Variants in PLEKHH2 observed in about 807,000 individuals in gnomAD.
PLEKHH2 encodes the protein pleckstrin homology domain-containing family H member 2.
Under a neutral mutation model 187.9 loss-of-function variants are expected in PLEKHH2, and 129 were observed. The observed-to-expected ratio is 0.69, with a 90% CI of 0.59 to 0.79. The LOEUF (loss-of-function observed/expected upper bound fraction) is 0.79. Among genes scored for constraint, PLEKHH2 ranks in the 30% least tolerant of loss-of-function variants. The probability of loss-of-function intolerance (pLI) is 0.00; values close to 1 mark genes in which losing one functional copy is unlikely to be tolerated. For synonymous variants in PLEKHH2, 686 were observed against 605.6 expected (o/e 1.13, Z -1.95); for missense variants, 2,076 against 1,751.2 (o/e 1.19, Z -3.31).
intron 3 of PLEKHH2, chr2:43,681,160 CAG>C (rs1668158263): frequency 1.4e-6 from 1 of 714,534 alleles, no homozygotes; most frequent in Non-Finnish European, 2.4e-6. Context: ...TAATGCCACT[CAG>C]AACATCCTTT....
At chr2:43,763,808 A>G (rs1372698368) in intron 28 of PLEKHH2, among the ~76,000 whole-genome samples, 1 of 152,162 alleles carries the variant, frequency 6.6e-6, no homozygotes, top group Non-Finnish European at 1.5e-5. Flanking sequence ...AAATCCATCT[A>G]TCTAGGTGAA....
At position 43,695,149 on chromosome 2, in the gene PLEKHH2, T is replaced by C. The variant is rs767178694; in HGVS notation, c.427T>C (p.Leu143=). 1.3e-5 allele frequency: 21 copies of C among 1,584,462 alleles called. No individual in the cohort carries two copies. Among genetic ancestry groups the C allele is most frequent in the African/African-American group, 4.0e-5 (3 of 74,532 alleles). Residue 143 remains leucine (L), a synonymous_variant, in exon 6 of 30, where the codon TTG becomes CTG. Transcript: ENST00000282406. The part of the protein sequence containing the change: ...WVTVKLNELE[L]ENQNLRLINQ... ...TACCATTATGTTCTCTTAGCTGGAA[T>C]TGGAGAATCAGAATCTTCGTTTGAT...
intron 2 of PLEKHH2, among the ~76,000 whole-genome samples, chr2:43,670,441 T>C (rs62138790): frequency 0.043 from 6,519 of 152,224 alleles, 174 homozygotes; most frequent in Non-Finnish European, 0.061. Flanking sequence ...CTATAGGATC[T>C]GACAATGAAG....
chr2:43,704,841 A>G (rs1202314581), intron 9 of PLEKHH2, among the ~76,000 whole-genome samples: 6 of 152,092 alleles, frequency 3.9e-5, no homozygotes, highest in South Asian at 2.1e-4. Flanking sequence ...AATGATTTCT[A>G]GGGTTGCTGA....
chr2:43,756,117 C>T (rs1031723621), intron 25 of PLEKHH2, among the ~76,000 whole-genome samples: 7 of 152,012 alleles, frequency 4.6e-5, no homozygotes, highest in African/African-American at 9.7e-5. Context: ...ATTGTGGTTC[C>T]GAACACAACT....
At position 43,700,175 on chromosome 2, in the gene PLEKHH2, C is replaced by T. The variant is rs569792620; in HGVS notation, c.1217C>T (p.Thr406Ile). 2.5e-6 allele frequency: 4 copies of T among 1,614,094 alleles called. No homozygotes were observed. In the East Asian group the frequency reaches 8.9e-5, roughly 36 times the overall value. The change falls in exon 8 of 30, where the codon ACC becomes ATC. Residue 406 changes from threonine to isoleucine, a missense_variant. Coordinates refer to ENST00000282406, the MANE Select transcript of PLEKHH2 (RefSeq NM_172069.4). ...TCATCTTCATCGAGTGAAGCCAACACCCCAAGCCCTATTTTGACCCCAGCT... is the reference window on the plus strand; with the variant it reads ...TCATCTTCATCGAGTGAAGCCAACATCCCAAGCCCTATTTTGACCCCAGCT... ...DYSSSSSEANTPSPILTPALM... is the reference protein window; with the variant it reads ...DYSSSSSEANIPSPILTPALM...
chr2:43,683,781 TCTC>T (rs1469289796), intron 3 of PLEKHH2, among the ~76,000 whole-genome samples: 3 of 147,014 alleles, frequency 2.0e-5, no homozygotes, highest in Non-Finnish European at 3.0e-5. Context: ...TCTCTCTCTC[TCTC>T]TTTTTTTTTT....
chr2:43,738,272 C>CGATAT, intron 19 of PLEKHH2, 69 bp from the exon 20 acceptor site: 3 of 1,260,756 alleles, frequency 2.4e-6, no homozygotes, highest in Non-Finnish European at 3.3e-6. Context: ...AAAAGATATT[C>CGATAT]GATATAATTC....
chr2:43,752,967 A>G (rs1672064663), intron 24 of PLEKHH2, among the ~76,000 whole-genome samples: 1 of 152,196 alleles, frequency 6.6e-6, no homozygotes, highest in Admixed American at 6.5e-5. Flanking sequence ...TATCTTTCAG[A>G]TTCCCAGAGA....
intron 2 of PLEKHH2, among the ~76,000 whole-genome samples, chr2:43,671,466 AT>A (rs1200860113): frequency 1.3e-5 from 2 of 151,870 alleles, no homozygotes; most frequent in Non-Finnish European, 2.9e-5. Context: ...TATGCTTTTT[AT>A]TTTTCTTTCT....
At position 43,710,060 on chromosome 2, in the gene PLEKHH2, G is replaced by A. The variant is rs13396555; in HGVS notation, c.2037G>A (p.Thr679=). 8.1e-4 allele frequency: 1,300 copies of A among 1,613,360 alleles called. 9 individuals carry two copies. The African/African-American group carries it at 0.015, about 19-fold the overall frequency. Residue 679 remains threonine (T), a synonymous_variant, in exon 12 of 30, where the codon ACG becomes ACA. Transcript: ENST00000282406. ...CTCCTGATGCTTACTCCACAGACACGGAGTACTCACAGCCAGAGCAGAAGC... is the reference window on the plus strand; with the variant it reads ...CTCCTGATGCTTACTCCACAGACACAGAGTACTCACAGCCAGAGCAGAAGC... ...AIPPDAYSTD[T]EYSQPEQKLP...
intron 4 of PLEKHH2, 129 bp downstream of exon 4, chr2:43,692,792 A>T: frequency 1.0e-6 from 1 of 1,002,010 alleles, no homozygotes; most frequent in Non-Finnish European, 1.5e-6. Flanking sequence ...AACCCATAGG[A>T]TTGCATCACA....
At position 43,738,330 on chromosome 2, in the gene PLEKHH2, GT is replaced by G. The variant is rs772324979; in HGVS notation, c.2944-8del. ...CCTCACCTTGAATATATCTTTTTTT[GT>G]TTAATTCAGACCTGCCAGCTTTTTA... On this transcript the variant is annotated splice_polypyrimidine_tract_variant and intron_variant, in intron 19 of 29. Coordinates refer to ENST00000282406, the MANE Select transcript of PLEKHH2 (RefSeq NM_172069.4). The G allele has an allele frequency of 1.1e-5, 17 of 1,584,410 alleles. No homozygotes were observed. Among genetic ancestry groups the G allele is most frequent in the Non-Finnish European group, 1.5e-5 (17 of 1,162,730 alleles).
intron 2 of PLEKHH2, among the ~76,000 whole-genome samples, chr2:43,647,944 G>A (rs1212012370): frequency 6.6e-6 from 1 of 152,138 alleles, no homozygotes. Context: ...AGTCTTTACT[G>A]CAACCATCAA....
intron 21 of PLEKHH2, among the ~76,000 whole-genome samples, chr2:43,742,327 T>C (rs777809790): frequency 2.6e-5 from 4 of 151,980 alleles, no homozygotes; most frequent in East Asian, 3.8e-4. Flanking sequence ...TTTTTTACCT[T>C]GTTTAGTGGT....
intron 6 of PLEKHH2, among the ~76,000 whole-genome samples, chr2:43,695,609 T>C (rs1281794749): frequency 2.0e-5 from 3 of 152,178 alleles, no homozygotes; most frequent in African/African-American, 4.8e-5. Context: ...GTCAGACATA[T>C]GGATGATGGG....
chr2:43,652,604 A>C (rs1666543562), intron 2 of PLEKHH2, among the ~76,000 whole-genome samples: 1 of 152,232 alleles, frequency 6.6e-6, no homozygotes, highest in Non-Finnish European at 1.5e-5. Context: ...TGATGCTGAC[A>C]TCAGTAGTTC....
chr2:43,682,961 C>CAG (rs35400349), intron 3 of PLEKHH2, among the ~76,000 whole-genome samples: 1 of 151,772 alleles, frequency 6.6e-6, no homozygotes, highest in Non-Finnish European at 1.5e-5. Flanking sequence ...CACACACACA[C>CAG]AATTTGTTTA....
intron 4 of PLEKHH2, among the ~76,000 whole-genome samples, chr2:43,693,849 A>AT (rs1369050823): frequency 1.3e-5 from 2 of 151,512 alleles, no homozygotes; most frequent in Non-Finnish European, 2.9e-5. Flanking sequence ...TATTTTCAGC[A>AT]TTTTTTCCCC....
Sources: gnomAD v4.1 joint callset for allele counts (sites outside exome capture counted in the v4.1 genomes callset) on GRCh38, gnomAD v4.1.1 for gene constraint, MANE v1.5 for transcripts, NCBI Gene and HGNC (gene_info 2026-07-23, HGNC 2026-07-21) for gene names.